The following ZNF827 variants were observed in gnomAD, a reference collection of about 807,000 sequenced individuals.
ZNF827 encodes zinc finger protein 827.
ZNF827 carries 13 observed loss-of-function variants against 102.4 expected under a neutral mutation model. The ratio of observed to expected loss-of-function variants is 0.13; its 90% CI spans 0.08 to 0.20. The LOEUF (loss-of-function observed/expected upper bound fraction) is 0.20. ZNF827 is among the 10% of genes least tolerant of loss of function. The pLI, the probability that ZNF827 is intolerant of heterozygous loss-of-function variation, is 1.00. For synonymous variants in ZNF827, 523 were observed against 536.2 expected, an observed-to-expected ratio of 0.98 and a Z score of 0.34; for missense variants, 1,103 against 1,344.4, an observed-to-expected ratio of 0.82 and a Z score of 2.81.
chr4:145,906,604 T>A (rs1211631149), intron 1 of ZNF827, among the ~76,000 whole-genome samples: 1 of 152,162 alleles, frequency 6.6e-6, no homozygotes, highest in Non-Finnish European at 1.5e-5. Flanking sequence ...TGCCAAAGGC[T>A]AAAGAAACTG....
intron 4 of ZNF827, among the ~76,000 whole-genome samples, chr4:145,879,574 C>T (rs529359434): frequency 1.4e-4 from 22 of 152,222 alleles, no homozygotes; most frequent in Non-Finnish European, 2.9e-4. Context: ...GGTCTGGATT[C>T]CAGTCATGAC....
intron 5 of ZNF827, among the ~76,000 whole-genome samples, chr4:145,858,265 A>G (rs1747363914): frequency 6.6e-6 from 1 of 151,926 alleles, no homozygotes; most frequent in South Asian, 2.1e-4. Flanking sequence ...CACTTTTAAT[A>G]AAGATGTTTT....
At chr4:145,780,931 T>G (rs1322975172) in intron 8 of ZNF827, among the ~76,000 whole-genome samples, 1 of 152,210 alleles carries the variant, frequency 6.6e-6, no homozygotes, top group East Asian at 1.9e-4. Context: ...GTGCAGTGGC[T>G]CAAGCCTGTA....
chr4:145,881,622 C>A (rs1749674744), intron 4 of ZNF827, among the ~76,000 whole-genome samples: 1 of 152,212 alleles, frequency 6.6e-6, no homozygotes, highest in African/African-American at 2.4e-5. Flanking sequence ...TGACGACCCT[C>A]CCAGTTCCTT....
intron 5 of ZNF827, among the ~76,000 whole-genome samples, chr4:145,862,717 G>C (rs1171265338): frequency 6.6e-6 from 1 of 152,118 alleles, no homozygotes; most frequent in Non-Finnish European, 1.5e-5. Flanking sequence ...CTCCACTGAG[G>C]TATTATTCAA....
intron 11 of ZNF827, among the ~76,000 whole-genome samples, chr4:145,771,533 AG>A (rs1416324518): frequency 6.6e-6 from 1 of 152,236 alleles, no homozygotes; most frequent in East Asian, 1.9e-4. Flanking sequence ...GCACTGAAGA[AG>A]TCACAAGCAC....
chr4:145,812,089 ATT>A (rs751575131), intron 8 of ZNF827, among the ~76,000 whole-genome samples: 18 of 132,690 alleles, frequency 1.4e-4, no homozygotes, highest in Non-Finnish European at 1.5e-4. Context: ...TACTTTTTGC[ATT>A]TTTTTTTTTT....
At chr4:145,935,394 G>A (rs1314870553) in intron 1 of ZNF827, among the ~76,000 whole-genome samples, 2 of 152,204 alleles carry the variant, frequency 1.3e-5, no homozygotes, top group Non-Finnish European at 2.9e-5. Context: ...CAGTTAGCAA[G>A]CCTTGGGTGA....
intron 4 of ZNF827, among the ~76,000 whole-genome samples, chr4:145,881,794 C>T (rs1191225120): frequency 6.6e-6 from 1 of 152,166 alleles, no homozygotes; most frequent in African/African-American, 2.4e-5. Context: ...CTCATACCAC[C>T]ATGCCCCGTT....
intron 2 of ZNF827, 115 bp from the exon 3 acceptor site, chr4:145,892,530 T>C (rs1750683227): frequency 1.8e-6 from 2 of 1,131,990 alleles, no homozygotes; most frequent in East Asian, 2.6e-5. Context: ...TGGGTTTTTT[T>C]CTTGACAATT....
At chr4:145,822,240 T>C (rs761569595) in intron 8 of ZNF827, among the ~76,000 whole-genome samples, 1 of 152,226 alleles carries the variant, frequency 6.6e-6, no homozygotes, top group South Asian at 2.1e-4. Context: ...CTAAAAAGCA[T>C]GCAGGTATCT....
Position 145,763,540 on chromosome 4 carries a change from C to T in ZNF827, c.3231-418G>A, listed in dbSNP as rs1182687589. Among the ~76,000 whole-genome samples the T allele has an allele frequency of 6.6e-6, 1 of 152,192 alleles. No homozygotes were observed. Among genetic ancestry groups the T allele is most frequent in the Non-Finnish European group, 1.5e-5 (1 of 68,038 alleles). ...AGCAAAAGCATCAGAATTCACTGTG[C>T]ATTCTCCCCAATGGCTTCAGAGGCT... On this transcript the variant is annotated intron_variant, in intron 13 of 14. Coordinates refer to ENST00000508784, the MANE Select transcript of ZNF827 (RefSeq NM_001306215.2). The surrounding 1 kb of genome is among the most constrained non-coding windows in gnomAD (Gnocchi z 4.6).
chr4:145,929,029 T>G (rs1753626523), intron 1 of ZNF827, among the ~76,000 whole-genome samples: 1 of 152,238 alleles, frequency 6.6e-6, no homozygotes. Flanking sequence ...TTTGGATTTT[T>G]ATATGAAACC....
intron 7 of ZNF827, among the ~76,000 whole-genome samples, chr4:145,843,439 A>T (rs983265857): frequency 5.3e-5 from 8 of 152,020 alleles, no homozygotes; most frequent in East Asian, 3.9e-4. Context: ...GGTTAAAAAA[A>T]TTTTTTTTCT....
intron 3 of ZNF827, among the ~76,000 whole-genome samples, chr4:145,886,411 G>C (rs940305017): frequency 6.6e-6 from 1 of 152,094 alleles, no homozygotes; most frequent in Non-Finnish European, 1.5e-5. Context: ...ATGCTATTTT[G>C]GGTAGCATCC....
At chr4:145,858,605 A>C (rs1402253552) in intron 5 of ZNF827, among the ~76,000 whole-genome samples, 1 of 151,060 alleles carries the variant, frequency 6.6e-6, no homozygotes, top group East Asian at 1.9e-4. Context: ...TTGTGCCACT[A>C]CACTCCAGCC....
chr4:145,797,721 T>C (rs1282564338), intron 8 of ZNF827, among the ~76,000 whole-genome samples: 1 of 152,228 alleles, frequency 6.6e-6, no homozygotes, highest in East Asian at 1.9e-4. Context: ...AGTCGTTGAA[T>C]AATTTTTAAG....
intron 2 of ZNF827, among the ~76,000 whole-genome samples, chr4:145,893,526 A>G (rs139281837): frequency 2.1e-4 from 32 of 152,380 alleles, no homozygotes; most frequent in Non-Finnish European, 3.2e-4. Flanking sequence ...AGCAAGATAC[A>G]AAACCATATA....
intron 8 of ZNF827, among the ~76,000 whole-genome samples, chr4:145,820,642 C>G (rs1361354840): frequency 6.6e-6 from 1 of 152,176 alleles, no homozygotes; most frequent in Non-Finnish European, 1.5e-5. Flanking sequence ...GCTAACCAGT[C>G]TCCAACCAGC....
Sources: allele counts gnomAD v4.1 joint callset (sites outside exome capture counted in the v4.1 genomes callset), GRCh38; gene constraint gnomAD v4.1.1; non-coding constraint Gnocchi (gnomAD v3.1); transcripts MANE v1.5; gene names NCBI Gene and HGNC (gene_info 2026-07-23, HGNC 2026-07-21).